THSD4: variants seen among roughly 807,000 people sequenced by gnomAD.
THSD4 encodes thrombospondin type-1 domain-containing protein 4.
THSD4 carries 69 observed loss-of-function variants against 119.0 expected under a neutral mutation model. The ratio of observed to expected loss-of-function variants is 0.58; its 90% CI spans 0.48 to 0.71. The LOEUF is 0.71. Ranked by LOEUF, THSD4 falls within the 30% of genes least tolerant of loss-of-function variation. The probability of loss-of-function intolerance (pLI) is 0.00; values close to 1 mark genes in which losing one functional copy is unlikely to be tolerated. For synonymous variants in THSD4, 524 were observed against 540.4 expected, an observed-to-expected ratio of 0.97 and a Z score of 0.42; for missense variants, 1,393 against 1,391.1, an observed-to-expected ratio of 1.00 and a Z score of -0.02.
At chr15:71,460,943 AC>A (rs892886871) in intron 7 of THSD4, among the ~76,000 whole-genome samples, 3 of 151,912 alleles carry the variant, frequency 2.0e-5, no homozygotes, top group Non-Finnish European at 4.4e-5. Flanking sequence ...CTCTATGTTA[AC>A]CCCCCCATAT....
At chr15:71,506,430 A>G (rs1420859777) in intron 7 of THSD4, among the ~76,000 whole-genome samples, 1 of 152,174 alleles carries the variant, frequency 6.6e-6, no homozygotes, top group Admixed American at 6.5e-5. Context: ...TGCCATCAGC[A>G]TGGCACAGAG....
rs1269641671 is a variant in THSD4 at position 71,777,174 on chromosome 15, C to G, written c.2915-58C>G. On this transcript the variant is annotated intron_variant, in intron 17 of 17. Transcript: ENST00000261862. ...ACAGCCACTGCCCTTTCTCTTCCCA[C>G]TGGTCCAGGCTGCCTCTTGTGCTCA... 3.7e-6 allele frequency: 6 copies of G among 1,609,174 alleles called. No individual in the cohort carries two copies. In the African/African-American group the frequency reaches 8.0e-5, roughly 21 times the overall value.
At chr15:71,321,754 A>T (rs1230488316) in intron 6 of THSD4, among the ~76,000 whole-genome samples, 1 of 152,156 alleles carries the variant, frequency 6.6e-6, no homozygotes, top group Non-Finnish European at 1.5e-5. Context: ...AACATCAGAC[A>T]ATTTTTTTAA....
chr15:71,393,977 T>C (rs1156271480), intron 6 of THSD4, among the ~76,000 whole-genome samples: 1 of 152,166 alleles, frequency 6.6e-6, no homozygotes, highest in African/African-American at 2.4e-5. Flanking sequence ...AAGAATATAA[T>C]TGAGTTACAT....
intron 7 of THSD4, among the ~76,000 whole-genome samples, chr15:71,589,550 G>A (rs2049755926): frequency 7.3e-6 from 1 of 137,574 alleles, no homozygotes; most frequent in African/African-American, 2.5e-5. Context: ...GTAGAGATGG[G>A]GCCCCATGTG....
At chr15:71,353,123 A>G (rs573436223) in intron 6 of THSD4, among the ~76,000 whole-genome samples, 1 of 152,224 alleles carries the variant, frequency 6.6e-6, no homozygotes, top group Non-Finnish European at 1.5e-5. Context: ...TGTAGTGATC[A>G]TGCATCCCAG....
At chr15:71,608,216 C>G (rs946364388) in intron 7 of THSD4, among the ~76,000 whole-genome samples, 8 of 105,830 alleles carry the variant, frequency 7.6e-5, no homozygotes, top group Non-Finnish European at 1.3e-4. Flanking sequence ...GAGCAAAACT[C>G]TGTCTCAAAA....
chr15:71,189,968 G>C (rs564108817), intron 3 of THSD4, among the ~76,000 whole-genome samples: 3 of 152,178 alleles, frequency 2.0e-5, no homozygotes, highest in Admixed American at 1.3e-4. Flanking sequence ...CACTGCTGGG[G>C]TGGAAGGCTC....
chr15:71,281,486 A>G (rs973762766), intron 6 of THSD4, among the ~76,000 whole-genome samples: 4 of 152,358 alleles, frequency 2.6e-5, no homozygotes, highest in South Asian at 4.1e-4. Flanking sequence ...TTTCAGATGT[A>G]TGCCTCAGGA....
chr15:71,410,329 A>G (rs79619220), intron 6 of THSD4, among the ~76,000 whole-genome samples: 5,368 of 152,258 alleles, frequency 0.035, 312 homozygotes, highest in African/African-American at 0.12. Flanking sequence ...TTAACCCTGA[A>G]ATAGAGGAGG....
intron 4 of THSD4, among the ~76,000 whole-genome samples, chr15:71,217,770 T>G (rs2043946526): frequency 6.6e-6 from 1 of 151,068 alleles, no homozygotes; most frequent in Admixed American, 6.6e-5. Flanking sequence ...TAAATATCCA[T>G]CCTGTACCAG....
In THSD4 at chr15:71,726,363, G is replaced by T. The variant is rs2052837980; in HGVS notation, c.1358-2186G>T. Reference sequence around the variant, plus strand: ...TGGGAAGGCCCATTGTAGGAACGCGGCTGAAAAAATGAGTTTAAGAAAAAG... The same window carrying T: ...TGGGAAGGCCCATTGTAGGAACGCGTCTGAAAAAATGAGTTTAAGAAAAAG... On this transcript the variant is annotated intron_variant, in intron 8 of 17. Transcript: ENST00000261862. 3.9e-5 allele frequency among the ~76,000 whole-genome samples: 6 copies of T among 152,224 alleles called. No individual in the cohort carries two copies. In the South Asian group the frequency reaches 1.2e-3, roughly 32 times the overall value.
chr15:71,231,965 T>C (rs1473421271), intron 4 of THSD4, among the ~76,000 whole-genome samples: 1 of 152,140 alleles, frequency 6.6e-6, no homozygotes, highest in African/African-American at 2.4e-5. Context: ...CCTTTCTCCC[T>C]TTGGCAGGTG....
At chr15:71,485,782 T>A (rs2047806651) in intron 7 of THSD4, among the ~76,000 whole-genome samples, 1 of 152,240 alleles carries the variant, frequency 6.6e-6, no homozygotes, top group South Asian at 2.1e-4. Flanking sequence ...TTTAGTGTTA[T>A]TCCTATAAAA....
At chr15:71,235,971 G>A (rs748945755) in intron 4 of THSD4, among the ~76,000 whole-genome samples, 1 of 152,176 alleles carries the variant, frequency 6.6e-6, no homozygotes, top group Non-Finnish European at 1.5e-5. Flanking sequence ...GCGGGCAGGG[G>A]TGGTCAGCCT....
At chr15:71,597,975 G>A (rs2140886671) in intron 7 of THSD4, among the ~76,000 whole-genome samples, 1 of 152,266 alleles carries the variant, frequency 6.6e-6, no homozygotes, top group Non-Finnish European at 1.5e-5. Flanking sequence ...TCCCAATCCT[G>A]TGCTGGGCCC....
chr15:71,714,358 CTT>C (rs2052567616), intron 8 of THSD4, among the ~76,000 whole-genome samples: 1 of 152,158 alleles, frequency 6.6e-6, no homozygotes, highest in Non-Finnish European at 1.5e-5. Context: ...CTAAACTACT[CTT>C]TGTTGAATGG....
intron 7 of THSD4, among the ~76,000 whole-genome samples, chr15:71,541,585 A>G (rs925824037): frequency 2.0e-5 from 3 of 152,196 alleles, no homozygotes; most frequent in African/African-American, 4.8e-5. Context: ...TTTTCACTCA[A>G]TAAATCTTGG....
chr15:71,205,679 GT>G (rs1169763814), intron 3 of THSD4, among the ~76,000 whole-genome samples: 11 of 152,088 alleles, frequency 7.2e-5, no homozygotes, highest in Non-Finnish European at 1.3e-4. Flanking sequence ...ATACTGTGAG[GT>G]TCTTACACTG....
Sources: allele counts gnomAD v4.1 joint callset (sites outside exome capture counted in the v4.1 genomes callset), GRCh38; gene constraint gnomAD v4.1.1; transcripts MANE v1.5; gene names NCBI Gene and HGNC (gene_info 2026-07-23, HGNC 2026-07-21).